The following MGAT4C variants were observed in gnomAD, a reference collection of about 807,000 sequenced individuals.
MGAT4C encodes the protein alpha-1,3-mannosyl-glycoprotein 4-beta-N-acetylglucosaminyltransferase C.
A neutral mutation model predicts 40.1 loss-of-function variants in MGAT4C; 19 were observed. The observed-to-expected ratio is 0.47, with a 90% CI of 0.33 to 0.70. The LOEUF is 0.70. Among genes scored for constraint, MGAT4C ranks in the 30% least tolerant of loss-of-function variants. MGAT4C has a pLI of 0.02. For missense variants in MGAT4C, 491 were observed against 563.2 expected (o/e 0.87, Z 1.30); for synonymous variants, 181 against 187.1 (o/e 0.97, Z 0.27).
chr12:86,346,263 C>T (rs1484167561), intron 3 of MGAT4C, among the ~76,000 whole-genome samples: 1 of 152,072 alleles, frequency 6.6e-6, no homozygotes, highest in African/African-American at 2.4e-5. Flanking sequence ...CTCACTTCTT[C>T]GCCCAGGCTG....
At position 86,501,220 on chromosome 12, in the gene MGAT4C, A is replaced by C. The variant is rs370434394; in HGVS notation, c.-228-65955T>G. 3.9e-5 allele frequency among the ~76,000 whole-genome samples: 6 copies of C among 152,262 alleles called. No homozygotes were observed. In the South Asian group the frequency reaches 1.0e-3, roughly 26 times the overall value. On this transcript the variant is annotated intron_variant, in intron 2 of 7. Coordinates refer to the MGAT4C transcript ENST00000548651. ...GATAGTATGGGAAAAAATATATTAA[A>C]AAGAGAAGAAGAGAAATGTTTCTAG...
At chr12:86,172,148 A>G (rs1418482957) in intron 1 of MGAT4C, among the ~76,000 whole-genome samples, 1 of 152,196 alleles carries the variant, frequency 6.6e-6, no homozygotes. Context: ...ATGAGTACAC[A>G]TCTGAGAACA....
Position 85,958,995 on chromosome 12 carries a change from G to A in MGAT4C, c.*20294C>T, listed in dbSNP as rs1321795136. On this transcript the variant is annotated 3_prime_UTR_variant, in exon 5 of 5. Coordinates refer to ENST00000611864, the MANE Select transcript of MGAT4C (RefSeq NM_001351288.2). ...CAGAGGAGGCGATTCAGTTACTTCTGCTATGTTATTAAATCTCTGGTAACC... is the reference window on the plus strand; with the variant it reads ...CAGAGGAGGCGATTCAGTTACTTCTACTATGTTATTAAATCTCTGGTAACC... The A allele has an allele frequency of 1.3e-5, 2 of 151,384 alleles. No individual in the cohort carries two copies. The highest frequency in any genetic ancestry group is 4.9e-5 in the African/African-American group (2 of 41,226). The allele number at this position is 151,384 out of a possible 1,614,324, so 9.4% of individuals were successfully genotyped here.
chr12:86,821,218 T>C (rs937680074), intron 1 of MGAT4C, among the ~76,000 whole-genome samples: 3 of 150,904 alleles, frequency 2.0e-5, no homozygotes, highest in Non-Finnish European at 3.0e-5. Context: ...GACCTTGCAA[T>C]GTATTCTACA....
At chr12:86,518,503 T>G (rs1308493263) in intron 2 of MGAT4C, among the ~76,000 whole-genome samples, 1 of 152,192 alleles carries the variant, frequency 6.6e-6, no homozygotes, top group Non-Finnish European at 1.5e-5. Flanking sequence ...CCTCTACCCA[T>G]TATAATAGCT....
At chr12:86,480,450 A>C (rs1457337030) in intron 2 of MGAT4C, among the ~76,000 whole-genome samples, 3 of 151,240 alleles carry the variant, frequency 2.0e-5, no homozygotes, top group Non-Finnish European at 3.0e-5. Context: ...GTATACATAT[A>C]TAGATATGTA....
At chr12:86,232,120 G>C (rs1951346792) in intron 1 of MGAT4C, among the ~76,000 whole-genome samples, 3 of 139,456 alleles carry the variant, frequency 2.2e-5, no homozygotes, top group African/African-American at 7.9e-5. Context: ...GGGCGACAGA[G>C]CGAGACTCTC....
At chr12:86,212,913 A>AAAAAAAAAAAAAAC (rs1950536699) in intron 1 of MGAT4C, among the ~76,000 whole-genome samples, 1 of 147,386 alleles carries the variant, frequency 6.8e-6, no homozygotes, top group Non-Finnish European at 1.5e-5. Context: ...AAAAAAAAAA[A>AAAAAAAAAAAAAAC]AAAAAAAAGA....
intron 3 of MGAT4C, among the ~76,000 whole-genome samples, chr12:86,339,649 T>C (rs1420067816): frequency 6.6e-6 from 1 of 152,162 alleles, no homozygotes; most frequent in Non-Finnish European, 1.5e-5. Flanking sequence ...ACTTACATTA[T>C]TTATATGAAA....
intron 2 of MGAT4C, among the ~76,000 whole-genome samples, chr12:86,715,874 C>T (rs1950638357): frequency 6.6e-6 from 1 of 152,040 alleles, no homozygotes; most frequent in Admixed American, 6.6e-5. Flanking sequence ...CAAAAATGTA[C>T]TTTCAAATCA....
At chr12:86,618,082 T>G (rs920619037) in intron 2 of MGAT4C, among the ~76,000 whole-genome samples, 9 of 152,174 alleles carry the variant, frequency 5.9e-5, no homozygotes, top group African/African-American at 1.9e-4. Context: ...TTAAAAATAC[T>G]CAATATCACT....
rs1264781146 is a variant in MGAT4C, at chr12:86,047,591, G to T, written c.-7+2083C>A. Among the ~76,000 whole-genome samples the T allele has an allele frequency of 2.0e-5, 3 of 152,156 alleles. No homozygotes were observed. In the East Asian group the frequency reaches 5.8e-4, roughly 29 times the overall value. ...ACAGAATGCAGGAGATAAACCTTGT[G>T]GCCCACCCATAGTGGAAAGTATAAT... On this transcript the variant is annotated intron_variant, in intron 2 of 4. Transcript: ENST00000611864.
intron 3 of MGAT4C, among the ~76,000 whole-genome samples, chr12:86,347,395 G>A (rs1955061066): frequency 6.6e-6 from 1 of 152,036 alleles, no homozygotes; most frequent in South Asian, 2.1e-4. Flanking sequence ...TACAAAATAT[G>A]AGTATTTGAT....
At chr12:86,030,167 C>A (rs1424769515) in intron 2 of MGAT4C, among the ~76,000 whole-genome samples, 1 of 151,642 alleles carries the variant, frequency 6.6e-6, no homozygotes, top group East Asian at 1.9e-4. Context: ...AAATAATTTT[C>A]CCATGTAGAT....
rs528520048 is a variant in MGAT4C at position 86,524,612 on chromosome 12, T to C, written c.-228-89347A>G. Among the ~76,000 whole-genome samples, 367 of 152,284 alleles carry C rather than the reference T, an allele frequency of 2.4e-3. 2 individuals carry two copies. Among genetic ancestry groups the C allele is most frequent in the Non-Finnish European group, 4.3e-3 (294 of 68,018 alleles). Reference sequence around the variant, plus strand: ...GATTTTCTGAATTTGAATATTGGTCTCTCTAGTTTCATTGGGAAATTTCTC... The same window carrying C: ...GATTTTCTGAATTTGAATATTGGTCCCTCTAGTTTCATTGGGAAATTTCTC... On this transcript the variant is annotated intron_variant, in intron 2 of 7. Coordinates refer to the MGAT4C transcript ENST00000548651.
intron 1 of MGAT4C, among the ~76,000 whole-genome samples, chr12:86,081,832 G>A (rs1235188450): frequency 1.3e-5 from 2 of 152,148 alleles, no homozygotes; most frequent in Non-Finnish European, 2.9e-5. Flanking sequence ...ATATAACATT[G>A]CCGAATGTGA....
chr12:86,118,799 C>T (rs1372877555), intron 1 of MGAT4C, among the ~76,000 whole-genome samples: 1 of 151,908 alleles, frequency 6.6e-6, no homozygotes, highest in Admixed American at 6.6e-5. Context: ...AAATGCATTG[C>T]TTTTATACTG....
At chr12:86,589,462 T>G (rs1282975249) in intron 2 of MGAT4C, among the ~76,000 whole-genome samples, 2 of 152,114 alleles carry the variant, frequency 1.3e-5, no homozygotes, top group East Asian at 1.9e-4. Context: ...ACAGCCGAAT[T>G]CTACCAGAGG....
At chr12:86,050,628 A>G (rs913184763) in intron 1 of MGAT4C, among the ~76,000 whole-genome samples, 5 of 152,000 alleles carry the variant, frequency 3.3e-5, no homozygotes, top group Admixed American at 6.6e-5. Context: ...CTCTTGAGGC[A>G]CAGATTCCTC....
Sources: allele counts gnomAD v4.1 joint callset (sites outside exome capture counted in the v4.1 genomes callset), GRCh38; gene constraint gnomAD v4.1.1; transcripts MANE v1.5; gene names NCBI Gene and HGNC (gene_info 2026-07-23, HGNC 2026-07-21).